AFAP1: variants seen among roughly 807,000 people sequenced by gnomAD.
AFAP1 encodes the protein actin filament associated protein 1.
In AFAP1, 75 loss-of-function variants were observed where a neutral mutation model predicts 93.9. The observed-to-expected ratio is 0.80, with a 90% CI of 0.66 to 0.97. The LOEUF (loss-of-function observed/expected upper bound fraction) is 0.97. Ranked by LOEUF, AFAP1 falls within the 50% of genes least tolerant of loss-of-function variation. AFAP1 has a pLI of 0.00. For missense variants in AFAP1, 1,201 were observed against 1,050.8 expected, an observed-to-expected ratio of 1.14 and a Z score of -1.98; for synonymous variants, 517 against 430.7, an observed-to-expected ratio of 1.20 and a Z score of -2.48.
intron 10 of AFAP1, among the ~76,000 whole-genome samples, chr4:7,797,626 G>C (rs1027676557): frequency 1.1e-4 from 17 of 152,134 alleles, no homozygotes; most frequent in Admixed American, 1.1e-3. Flanking sequence ...ACGCGGCAGC[G>C]GACTACAACA....
At chr4:7,793,637 A>G in intron 11 of AFAP1, 44 bp downstream of exon 11, 1 of 1,443,338 alleles carries the variant, frequency 6.9e-7, no homozygotes, top group Non-Finnish European at 9.3e-7. Context: ...GGGAAAAGAC[A>G]GTTACTGAAC....
chr4:7,773,506 C>T (rs1715722181), intron 15 of AFAP1: 1 of 156,976 alleles, frequency 6.4e-6, no homozygotes, highest in Admixed American at 6.2e-5. Context: ...GCTGCAGTGA[C>T]CTAAGATGCA....
chr4:7,925,148 G>A (rs540151918), intron 1 of AFAP1, among the ~76,000 whole-genome samples: 4 of 151,532 alleles, frequency 2.6e-5, no homozygotes, highest in East Asian at 2.0e-4. Context: ...TCATAGGGTC[G>A]GCCTTCCTTT....
intron 12 of AFAP1, among the ~76,000 whole-genome samples, chr4:7,785,545 A>G (rs1256161956): frequency 6.6e-6 from 1 of 152,174 alleles, no homozygotes; most frequent in Non-Finnish European, 1.5e-5. Flanking sequence ...TTGATAACCT[A>G]TACTGTGCTA....
chr4:7,797,103 A>G (rs986684524), intron 10 of AFAP1, among the ~76,000 whole-genome samples: 19 of 152,170 alleles, frequency 1.2e-4, no homozygotes, highest in Non-Finnish European at 2.6e-4. Flanking sequence ...TCCCACTGAT[A>G]TACATACATA....
At chr4:7,853,793 A>C (rs1172550496) in intron 4 of AFAP1, among the ~76,000 whole-genome samples, 1 of 152,124 alleles carries the variant, frequency 6.6e-6, no homozygotes, top group East Asian at 1.9e-4. Flanking sequence ...TCTTCAAGGG[A>C]GGGGCGGCTG....
At chr4:7,916,938 C>T (rs1720115083) in intron 1 of AFAP1, among the ~76,000 whole-genome samples, 2 of 152,182 alleles carry the variant, frequency 1.3e-5, no homozygotes, top group South Asian at 2.1e-4. Context: ...AATGTATTCA[C>T]TGAATGCACT....
rs1266648042 is a variant in AFAP1 at position 7,939,650 on chromosome 4, T to C, written c.-3+6A>G. ...GGAGACCCTGCCGCCAGTCGCGCCG[T>C]CTCACCTCAGGCCGCCACCTCGCAG... On this transcript the variant is annotated splice_donor_region_variant and intron_variant, in intron 1 of 17. Transcript: ENST00000420658. The surrounding 1 kb of genome is among the most constrained non-coding windows in gnomAD (Gnocchi z 5.6). The C allele has an allele frequency of 2.4e-6, 1 of 419,386 alleles. No individual in the cohort carries two copies. Among genetic ancestry groups the C allele is most frequent in the Non-Finnish European group, 4.7e-6 (1 of 211,762 alleles). The allele number at this position is 419,386 out of a possible 1,614,324, so 26.0% of individuals were successfully genotyped here.
intron 1 of AFAP1, among the ~76,000 whole-genome samples, chr4:7,913,823 T>G (rs1261424752): frequency 6.6e-6 from 1 of 152,204 alleles, no homozygotes; most frequent in African/African-American, 2.4e-5. Context: ...CTAGGGTCTA[T>G]ATCAAAAATA....
intron 2 of AFAP1, among the ~76,000 whole-genome samples, chr4:7,870,425 C>G (rs548869024): frequency 2.0e-5 from 3 of 152,070 alleles, no homozygotes; most frequent in Admixed American, 2.0e-4. Flanking sequence ...TTTTGGAGGC[C>G]GAGGCAGGCA....
intron 1 of AFAP1, among the ~76,000 whole-genome samples, chr4:7,922,050 G>A (rs1720468228): frequency 6.6e-6 from 1 of 152,178 alleles, no homozygotes; most frequent in Non-Finnish European, 1.5e-5. Context: ...TTGAACCCAG[G>A]AAGCGGAGGT....
chr4:7,925,760 G>A (rs962969650), intron 1 of AFAP1, among the ~76,000 whole-genome samples: 9 of 151,900 alleles, frequency 5.9e-5, no homozygotes, highest in Admixed American at 3.9e-4. Flanking sequence ...CAGGAGAATC[G>A]CTTGAACCTG....
chr4:7,843,042 TC>T (rs1485260462), intron 5 of AFAP1, 96 bp downstream of exon 5: 1 of 1,372,550 alleles, frequency 7.3e-7, no homozygotes, highest in African/African-American at 1.5e-5. Context: ...GTGCTGCCCT[TC>T]CTGCACAGCT....
chr4:7,830,771 G>A (rs1251512591), intron 6 of AFAP1, among the ~76,000 whole-genome samples: 1 of 152,048 alleles, frequency 6.6e-6, no homozygotes, highest in Non-Finnish European at 1.5e-5. Flanking sequence ...ACCATGCTCA[G>A]ATAATTTTTT....
intron 1 of AFAP1, among the ~76,000 whole-genome samples, chr4:7,907,300 C>T (rs1481982635): frequency 6.6e-6 from 1 of 152,146 alleles, no homozygotes; most frequent in African/African-American, 2.4e-5. Flanking sequence ...CTAAAGATGA[C>T]CTTTACCCAA....
intron 6 of AFAP1, among the ~76,000 whole-genome samples, chr4:7,820,163 G>A (rs1222991191): frequency 6.6e-6 from 1 of 152,182 alleles, no homozygotes; most frequent in Non-Finnish European, 1.5e-5. Context: ...GGAGGTACCC[G>A]AGGGAGAATC....
chr4:7,929,460 G>A (rs1720944142), intron 1 of AFAP1, among the ~76,000 whole-genome samples: 2 of 152,206 alleles, frequency 1.3e-5, no homozygotes, highest in African/African-American at 4.8e-5. Flanking sequence ...GGGCTGGCTG[G>A]CTGTAATCTT....
chr4:7,887,287 C>A (rs990746002), intron 1 of AFAP1, among the ~76,000 whole-genome samples: 10 of 152,108 alleles, frequency 6.6e-5, no homozygotes, highest in African/African-American at 2.4e-4. Flanking sequence ...AATTAAGTCA[C>A]TGCAAAATAT....
intron 11 of AFAP1, 110 bp downstream of exon 11, chr4:7,793,571 T>G (rs1353452498): frequency 8.3e-7 from 1 of 1,208,994 alleles, no homozygotes; most frequent in African/African-American, 1.5e-5. Context: ...AGGGAAAGTC[T>G]TTAGTTTTTC....
Sources: allele counts gnomAD v4.1 joint callset (sites outside exome capture counted in the v4.1 genomes callset), GRCh38; gene constraint gnomAD v4.1.1; non-coding constraint Gnocchi (gnomAD v3.1); transcripts MANE v1.5; gene names NCBI Gene and HGNC (gene_info 2026-07-23, HGNC 2026-07-21).